SH3RF3: variants seen among roughly 807,000 people sequenced by gnomAD.
The protein encoded by SH3RF3 is SH3 domain containing ring finger 3.
In SH3RF3, 29 loss-of-function variants were observed where a neutral mutation model predicts 66.3. The ratio of observed to expected loss-of-function variants is 0.44; its 90% confidence interval spans 0.33 to 0.60. The LOEUF is 0.60. Among genes scored for constraint, SH3RF3 ranks in the 20% least tolerant of loss-of-function variants. SH3RF3 has a pLI of 0.04. For synonymous variants in SH3RF3, 583 were observed against 532.0 expected (o/e 1.10, Z -1.32); for missense variants, 1,194 against 1,190.9 (o/e 1.00, Z -0.04).
At chr2:109,175,706 C>G (rs1214749463) in intron 1 of SH3RF3, among the ~76,000 whole-genome samples, 2 of 152,176 alleles carry the variant, frequency 1.3e-5, no homozygotes, top group Non-Finnish European at 2.9e-5. Context: ...AGGGACTTTT[C>G]TAGGTAGAGT....
At chr2:109,304,923 C>T (rs184113705) in intron 1 of SH3RF3, among the ~76,000 whole-genome samples, 3 of 152,238 alleles carry the variant, frequency 2.0e-5, no homozygotes, top group East Asian at 1.9e-4. Flanking sequence ...GAAAACTGCT[C>T]GGTTGGGTTT....
intron 1 of SH3RF3, among the ~76,000 whole-genome samples, chr2:109,155,514 G>T (rs1677325194): frequency 6.6e-6 from 1 of 152,100 alleles, no homozygotes; most frequent in Non-Finnish European, 1.5e-5. Flanking sequence ...TGTTAGCCAG[G>T]GTGGTCTCGA....
chr2:109,142,602 G>A (rs1676983503), intron 1 of SH3RF3, among the ~76,000 whole-genome samples: 2 of 152,292 alleles, frequency 1.3e-5, no homozygotes, highest in African/African-American at 4.8e-5. Flanking sequence ...GTCACCAGAA[G>A]CCTCTCTGGG....
At chr2:109,372,756 G>A (rs778047539) in intron 3 of SH3RF3, among the ~76,000 whole-genome samples, 1 of 152,144 alleles carries the variant, frequency 6.6e-6, no homozygotes, top group Non-Finnish European at 1.5e-5. Context: ...ATGAACTGCA[G>A]TTTACTCAGC....
chr2:109,275,652 A>G (rs1338106234), intron 1 of SH3RF3, among the ~76,000 whole-genome samples: 3 of 152,130 alleles, frequency 2.0e-5, no homozygotes, highest in African/African-American at 7.2e-5. Context: ...AAGTTCAAGG[A>G]TTAGCTGAGG....
In SH3RF3 at chr2:109,131,565, T is replaced by C. The variant is rs1676696680; in HGVS notation, c.573+1452T>C. Among the ~76,000 whole-genome samples the C allele has an allele frequency of 2.0e-5, 3 of 152,198 alleles. 1 individual carries two copies. Among genetic ancestry groups the C allele is most frequent in the Admixed American group, 2.0e-4 (3 of 15,282 alleles). ...TCTGATGACCATCTGTTTACAGATG[T>C]CCTCTCAGTTTATCTTGGGGGACTT... On this transcript the variant is annotated intron_variant, in intron 1 of 9. Coordinates refer to ENST00000309415, the MANE Select transcript of SH3RF3 (RefSeq NM_001099289.3).
At chr2:109,143,472 G>A (rs1400758271) in intron 1 of SH3RF3, among the ~76,000 whole-genome samples, 1 of 152,212 alleles carries the variant, frequency 6.6e-6, no homozygotes, top group Non-Finnish European at 1.5e-5. Flanking sequence ...GCTGGGTGCA[G>A]TGGCTCATGC....
intron 1 of SH3RF3, among the ~76,000 whole-genome samples, chr2:109,191,629 C>T (rs563435521): frequency 3.3e-5 from 5 of 152,252 alleles, no homozygotes; most frequent in Non-Finnish European, 5.9e-5. Context: ...GGAATTGCAG[C>T]AAGAGCAGTC....
Position 109,501,905 on chromosome 2 carries a change from T to C in SH3RF3, c.*234T>C. 2 of 495,606 alleles carry C rather than the reference T, an allele frequency of 4.0e-6. No homozygotes were observed. The highest frequency in any genetic ancestry group is 3.3e-5 in the South Asian group (1 of 30,472). The allele number at this position is 495,606 out of a possible 1,614,324, so 30.7% of individuals were successfully genotyped here. A position where few individuals can be genotyped will look rare whatever the true frequency, so the allele number is the denominator to read the frequency against. ...TCTTCAAGGAAATGCCCACCCCCTC[T>C]GTGGAAACTGCAAAGAAAGCACCTT... On this transcript the variant is annotated 3_prime_UTR_variant, in exon 10 of 10. Coordinates refer to ENST00000309415, the MANE Select transcript of SH3RF3 (RefSeq NM_001099289.3).
intron 9 of SH3RF3, among the ~76,000 whole-genome samples, chr2:109,493,508 C>T (rs1372002660): frequency 2.0e-5 from 3 of 151,570 alleles, no homozygotes; most frequent in Non-Finnish European, 4.4e-5. Flanking sequence ...CAAACACATA[C>T]CTCACACACA....
At chr2:109,363,911 A>G (rs1240350414) in intron 2 of SH3RF3, among the ~76,000 whole-genome samples, 26 of 151,898 alleles carry the variant, frequency 1.7e-4, no homozygotes, top group Admixed American at 1.7e-3. Flanking sequence ...TATTTTATGT[A>G]GTTTGAAAGT....
intron 9 of SH3RF3, among the ~76,000 whole-genome samples, chr2:109,493,280 C>T (rs1178698930): frequency 3.0e-5 from 4 of 134,800 alleles, no homozygotes; most frequent in African/African-American, 1.1e-4. Flanking sequence ...CCACGTACAC[C>T]ATAGAAACAC....
chr2:109,211,202 C>T (rs574891087), intron 1 of SH3RF3, among the ~76,000 whole-genome samples: 151 of 152,296 alleles, frequency 9.9e-4, no homozygotes, highest in Non-Finnish European at 1.8e-3. Flanking sequence ...GGGGCTGCTC[C>T]TTGGCTGGGA....
At position 109,276,802 on chromosome 2, in the gene SH3RF3, C is replaced by T. The variant is rs189494574; in HGVS notation, c.574-70872C>T. 3.6e-3 allele frequency among the ~76,000 whole-genome samples: 552 copies of T among 152,040 alleles called. 2 individuals carry two copies. Among genetic ancestry groups the T allele is most frequent in the Non-Finnish European group, 6.3e-3 (427 of 67,984 alleles). ...TTTGACTTACATATATATATACTACCTTTTTCCTAAAAGGATCTAAGGGGC... is the reference window on the plus strand; with the variant it reads ...TTTGACTTACATATATATATACTACTTTTTTCCTAAAAGGATCTAAGGGGC... On this transcript the variant is annotated intron_variant, in intron 1 of 9. Coordinates refer to ENST00000309415, the MANE Select transcript of SH3RF3 (RefSeq NM_001099289.3).
chr2:109,389,615 G>T (rs1052466001), intron 3 of SH3RF3, among the ~76,000 whole-genome samples: 3 of 152,218 alleles, frequency 2.0e-5, no homozygotes, highest in Non-Finnish European at 4.4e-5. Context: ...TCTGTGCAAA[G>T]AAGACATGAG....
At chr2:109,188,688 T>G (rs533951373) in intron 1 of SH3RF3, among the ~76,000 whole-genome samples, 1 of 152,292 alleles carries the variant, frequency 6.6e-6, no homozygotes, top group Admixed American at 6.5e-5. Context: ...TGCTCCTGAC[T>G]TTGCAAGACC....
Position 109,354,288 on chromosome 2 carries a change from C to T in SH3RF3, c.849+6339C>T, listed in dbSNP as rs116882794. 6.4e-3 allele frequency among the ~76,000 whole-genome samples: 973 copies of T among 152,260 alleles called. 11 individuals are homozygous for T. The highest frequency in any genetic ancestry group is 0.05 in the East Asian group (256 of 5,170). On this transcript the variant is annotated intron_variant, in intron 2 of 9. Transcript: ENST00000309415. ...TGCGGTGGAGCAGGCAGCCCATCAC[C>T]CTGCAGGCCCAGAGGCTGAAGGGGG...
chr2:109,414,402 C>G (rs905079464), intron 4 of SH3RF3, among the ~76,000 whole-genome samples: 10 of 152,102 alleles, frequency 6.6e-5, no homozygotes, highest in Non-Finnish European at 2.9e-5. Context: ...GCTATTGATT[C>G]AGGTTTCATC....
intron 4 of SH3RF3, among the ~76,000 whole-genome samples, chr2:109,409,835 T>C (rs1404361943): frequency 6.6e-6 from 1 of 152,114 alleles, no homozygotes; most frequent in African/African-American, 2.4e-5. Context: ...GAGGGTCTGA[T>C]TTACACCCCG....
Sources: allele counts gnomAD v4.1 joint callset (sites outside exome capture counted in the v4.1 genomes callset), GRCh38; gene constraint gnomAD v4.1.1; transcripts MANE v1.5; gene names NCBI Gene and HGNC (gene_info 2026-07-23, HGNC 2026-07-21).